The following CR1L variants were observed in gnomAD, a reference collection of about 807,000 sequenced individuals.
CR1L encodes complement C3b/C4b receptor 1 like, also known as complement component receptor 1-like protein.
In CR1L, 59 loss-of-function variants were observed where a neutral mutation model predicts 62.3. That is an observed-to-expected ratio of 0.95 (90% CI 0.77 to 1.18). The LOEUF is 1.18. Among genes scored for constraint, CR1L ranks in the 50% most tolerant of loss-of-function variants. The pLI is 0.00. For synonymous variants in CR1L, 279 were observed against 248.7 expected, an observed-to-expected ratio of 1.12 and a Z score of -1.15; for missense variants, 700 against 702.8, an observed-to-expected ratio of 1.00 and a Z score of 0.04.
chr1:207,701,896 A>G (rs1571529265), intron 9 of CR1L, among the ~76,000 whole-genome samples: 1 of 152,128 alleles, frequency 6.6e-6, no homozygotes, highest in African/African-American at 2.4e-5. Context: ...CACACAAACA[A>G]CCCTAACCCA....
intron 1 of CR1L, among the ~76,000 whole-genome samples, chr1:207,652,031 C>T (rs886093114): frequency 2.6e-5 from 4 of 152,184 alleles, no homozygotes; most frequent in African/African-American, 9.7e-5. Flanking sequence ...CTTACCATAA[C>T]ATTTCTTGAG....
chr1:207,711,123 A>G (rs1664350900), intron 10 of CR1L, among the ~76,000 whole-genome samples: 1 of 152,198 alleles, frequency 6.6e-6, no homozygotes, highest in Non-Finnish European at 1.5e-5. Context: ...CTTTGTATAC[A>G]TTATCTCATT....
intron 8 of CR1L, 61 bp downstream of exon 8, chr1:207,699,335 C>G: frequency 6.3e-7 from 1 of 1,587,442 alleles, no homozygotes; most frequent in Non-Finnish European, 8.6e-7. Context: ...AGTATTTGAC[C>G]CATGACCTCC....
intron 1 of CR1L, among the ~76,000 whole-genome samples, chr1:207,666,927 C>A (rs1373780334): frequency 3.3e-5 from 5 of 152,100 alleles, no homozygotes; most frequent in Non-Finnish European, 5.9e-5. Context: ...ATTTTACATG[C>A]CCCTCTTCAA....
At chr1:207,715,095 C>G (rs1653959878) in intron 10 of CR1L, among the ~76,000 whole-genome samples, 1 of 152,088 alleles carries the variant, frequency 6.6e-6, no homozygotes, top group Non-Finnish European at 1.5e-5. Flanking sequence ...CACAGGGTAC[C>G]ATGGTTCTTT....
In CR1L at chr1:207,701,549, T is replaced by G; in HGVS notation, c.1259T>G (p.Val420Gly). The G allele has an allele frequency of 6.2e-7, 1 of 1,613,786 alleles. No homozygotes were observed. Among genetic ancestry groups the G allele is most frequent in the Non-Finnish European group, 8.5e-7 (1 of 1,179,746 alleles). The change falls in exon 9 of 12, where the codon GTG becomes GGG. Residue 420 changes from valine (V) to glycine (G), a missense_variant. Physicochemically the swap from Val to Gly is moderately radical, Grantham distance 109. Coordinates refer to ENST00000508064, the MANE Select transcript of CR1L (RefSeq NM_175710.2). ...RKSCETPPVP[V>G]NGMVHVITDI... The stretch of plus-strand genomic sequence containing the variant: ...TCATGTGAAACTCCTCCAGTTCCAG[T>G]GAATGGCATGGTGCATGTGATCACA...
At chr1:207,658,563 C>G (rs1368233174) in intron 1 of CR1L, 1 of 152,756 alleles carries the variant, frequency 6.5e-6, no homozygotes, top group Non-Finnish European at 1.5e-5. Context: ...AGCCCAACCA[C>G]TGCCGCAGGG....
intron 9 of CR1L, among the ~76,000 whole-genome samples, chr1:207,706,288 G>A (rs114746708): frequency 0.02 from 2,967 of 151,814 alleles, 72 homozygotes; most frequent in African/African-American, 0.061. Context: ...GGGCGTGGTG[G>A]CGTGTGCCTG....
At chr1:207,655,126 C>T (rs1001343730) in intron 1 of CR1L, 1 of 396,708 alleles carries the variant, frequency 2.5e-6, no homozygotes, top group Non-Finnish European at 4.8e-6. Context: ...ATAAAAAGTT[C>T]CTTCATTATT....
At chr1:207,689,094 A>T (rs1163984740) in intron 4 of CR1L, among the ~76,000 whole-genome samples, 1 of 152,130 alleles carries the variant, frequency 6.6e-6, no homozygotes, top group Non-Finnish European at 1.5e-5. Context: ...GGTTATCACA[A>T]ATCATGATGT....
intron 11 of CR1L, among the ~76,000 whole-genome samples, chr1:207,722,551 T>C (rs970250389): frequency 6.6e-6 from 1 of 151,710 alleles, no homozygotes; most frequent in Admixed American, 6.6e-5. Flanking sequence ...CATTGATCTA[T>C]ATCTCTGTTT....
intron 9 of CR1L, 134 bp from the exon 10 acceptor site, chr1:207,708,044 G>C: frequency 1.9e-6 from 2 of 1,057,702 alleles, no homozygotes; most frequent in Non-Finnish European, 2.9e-6. Flanking sequence ...GAAAAGCTGG[G>C]AACAATAGGT....
Position 207,701,241 on chromosome 1 carries a change from T to C in CR1L, c.1229-278T>C, listed in dbSNP as rs1335727969. On this transcript the variant is annotated intron_variant, in intron 8 of 11. Transcript: ENST00000508064. ...TGAAAACTTTATTGGTAGTAAATAA[T>C]GCCATAAATGACCTTTACATTTTGA... Among the ~76,000 whole-genome samples, 10 of 152,342 alleles carry C rather than the reference T, an allele frequency of 6.6e-5. No individual in the cohort carries two copies. In the East Asian group the frequency reaches 1.9e-3, roughly 29 times the overall value.
chr1:207,687,862 A>G (rs12119104), intron 4 of CR1L, among the ~76,000 whole-genome samples: 50,533 of 152,034 alleles, frequency 0.33, 8,913 homozygotes, highest in Non-Finnish European at 0.4. Flanking sequence ...CTTTCAGGCT[A>G]TGGCTTTTCT....
chr1:207,719,572 T>C (rs1247941258), intron 11 of CR1L, among the ~76,000 whole-genome samples: 1 of 151,826 alleles, frequency 6.6e-6, no homozygotes, highest in Non-Finnish European at 1.5e-5. Flanking sequence ...ATAAAAAAAA[T>C]TAGCTGGGCG....
At chr1:207,659,409 T>C (rs375311073) in intron 1 of CR1L, among the ~76,000 whole-genome samples, 43 of 152,370 alleles carry the variant, frequency 2.8e-4, no homozygotes, top group African/African-American at 9.6e-4. Flanking sequence ...TCCCTTTTCA[T>C]GTCTACTGGA....
chr1:207,678,495 C>A (rs1340285323), intron 3 of CR1L, among the ~76,000 whole-genome samples, 198 bp downstream of exon 3: 1 of 152,090 alleles, frequency 6.6e-6, no homozygotes, highest in African/African-American at 2.4e-5. Context: ...TGTATCCTTG[C>A]TGGAAACCAA....
chr1:207,692,967 T>C (rs1558020356), intron 4 of CR1L, among the ~76,000 whole-genome samples: 1 of 152,256 alleles, frequency 6.6e-6, no homozygotes, highest in Non-Finnish European at 1.5e-5. Flanking sequence ...AAAAAGTCTC[T>C]TTGGCATTTT....
chr1:207,670,068 G>C (rs1482114279), intron 1 of CR1L, among the ~76,000 whole-genome samples: 1 of 151,052 alleles, frequency 6.6e-6, no homozygotes, highest in Non-Finnish European at 1.5e-5. Context: ...CATAAAGCCT[G>C]TCGAGTATCT....
Sources: gnomAD v4.1 joint callset for allele counts (sites outside exome capture counted in the v4.1 genomes callset) on GRCh38, gnomAD v4.1.1 for gene constraint, MANE v1.5 for transcripts, NCBI Gene and HGNC (gene_info 2026-07-23, HGNC 2026-07-21) for gene names.